ACP6: variants seen among roughly 807,000 people sequenced by gnomAD.
ACP6 encodes the protein lysophosphatidic acid phosphatase type 6.
ACP6 carries 48 observed loss-of-function variants against 48.1 expected under a neutral mutation model. That is an observed-to-expected ratio of 1.00 (90% CI 0.79 to 1.27). The LOEUF is 1.27. ACP6 is among the 50% of genes most tolerant of loss of function. The pLI, the probability that ACP6 is intolerant of heterozygous loss-of-function variation, is 0.00. For missense variants in ACP6, 485 were observed against 529.1 expected (o/e 0.92, Z 0.82); for synonymous variants, 172 against 204.2 (o/e 0.84, Z 1.34).
At chr1:147,655,961 G>A (rs1660237985) in intron 4 of ACP6, among the ~76,000 whole-genome samples, 1 of 152,126 alleles carries the variant, frequency 6.6e-6, no homozygotes, top group Non-Finnish European at 1.5e-5. Context: ...TCTCTGTGTG[G>A]TAGGTTCTTT....
At chr1:147,636,166 A>AG (rs1659294659) in intron 5 of ACP6, among the ~76,000 whole-genome samples, 5 of 152,058 alleles carry the variant, frequency 3.3e-5, no homozygotes, top group African/African-American at 9.7e-5. Context: ...AAGGGTGTAA[A>AG]TGTGAAAGAG....
Position 147,659,412 on chromosome 1 carries a change from T to G in ACP6, c.463A>C (p.Asn155His). 6.2e-7 allele frequency: 1 copy of G among 1,614,150 alleles called. No homozygotes were observed. Among genetic ancestry groups the G allele is most frequent in the South Asian group, 1.1e-5 (1 of 91,076 alleles). The change falls in exon 3 of 10, where the codon AAC becomes CAC. Residue 155 changes from asparagine (N) to histidine (H), a missense_variant. Transcript: ENST00000583509. ...EDIPFLSPTF[N>H]PQEVFIRSTN... ...GTGACTCACAAGACCTCCTGTGGGTTGAAGGTTGGTGAAAGAAAGGGAATG... is the reference window on the plus strand; with the variant it reads ...GTGACTCACAAGACCTCCTGTGGGTGGAAGGTTGGTGAAAGAAAGGGAATG...
intron 1 of ACP6, among the ~76,000 whole-genome samples, chr1:147,660,352 A>C (rs1660485503): frequency 6.6e-6 from 1 of 152,214 alleles, no homozygotes; most frequent in Non-Finnish European, 1.5e-5. Context: ...AATGATTTCA[A>C]AACATCACTA....
At chr1:147,658,878 C>T in intron 4 of ACP6, 82 bp downstream of exon 4, 1 of 1,324,686 alleles carries the variant, frequency 7.5e-7, no homozygotes, top group East Asian at 2.3e-5. Flanking sequence ...AGGGAACAGG[C>T]ACCAAGAAAG....
In ACP6 at chr1:147,665,215, C is replaced by T. The variant is rs183848436; in HGVS notation, c.219+4615G>A. Among the ~76,000 whole-genome samples, 11 of 152,202 alleles carry T rather than the reference C, an allele frequency of 7.2e-5. 1 individual carries two copies. In the South Asian group the frequency reaches 8.3e-4, roughly 11 times the overall value. ...CAGGCTCCACAGAATAAATCTGAAA[C>T]CTGGCAGCATACATCACAATTGGAA... On this transcript the variant is annotated intron_variant, in intron 1 of 9. Transcript: ENST00000583509.
At chr1:147,647,598 C>T (rs781882422) in intron 9 of ACP6, 32 bp from the exon 10 acceptor site, 89 of 1,601,666 alleles carry the variant, frequency 5.6e-5, no homozygotes, top group East Asian at 2.7e-4. Flanking sequence ...GCAGGTCCGC[C>T]GAGGAACCTG....
chr1:147,661,478 G>A (rs1660543382), intron 1 of ACP6, among the ~76,000 whole-genome samples: 2 of 152,180 alleles, frequency 1.3e-5, no homozygotes, highest in African/African-American at 4.8e-5. Flanking sequence ...TGAGTGCTCT[G>A]CTGACTGGTA....
chr1:147,659,578 G>T, intron 2 of ACP6, 52 bp from the exon 3 acceptor site: 1 of 1,613,748 alleles, frequency 6.2e-7, no homozygotes, highest in Non-Finnish European at 8.5e-7. Context: ...ACAGCCTGCT[G>T]AACTCAGCCC....
downstream of ACP6, among the ~76,000 whole-genome samples, chr1:147,638,097 G>T (rs746413761): frequency 1.3e-5 from 2 of 152,196 alleles, no homozygotes; most frequent in Non-Finnish European, 2.9e-5. Flanking sequence ...GCCAGGTTAT[G>T]ATCTACAGAT....
chr1:147,656,104 G>C (rs1420442076), intron 4 of ACP6, among the ~76,000 whole-genome samples: 1 of 152,220 alleles, frequency 6.6e-6, no homozygotes, highest in Non-Finnish European at 1.5e-5. Flanking sequence ...ATTATTGATA[G>C]TCAGAACCAA....
chr1:147,657,426 G>T (rs1445878283), intron 4 of ACP6, among the ~76,000 whole-genome samples: 5 of 151,788 alleles, frequency 3.3e-5, no homozygotes, highest in African/African-American at 4.8e-5. Flanking sequence ...TTCTTTTTTT[G>T]TTTGTTTGTT....
intron 5 of ACP6, among the ~76,000 whole-genome samples, chr1:147,633,512 T>TTA (rs2101638527): frequency 6.6e-6 from 1 of 151,712 alleles, no homozygotes; most frequent in East Asian, 1.9e-4. Flanking sequence ...AGTTTCTTTT[T>TTA]TTTTTTTTAA....
chr1:147,656,198 C>T (rs1345388879), intron 4 of ACP6, among the ~76,000 whole-genome samples: 1 of 152,208 alleles, frequency 6.6e-6, no homozygotes, highest in Non-Finnish European at 1.5e-5. Context: ...AGAAACCACA[C>T]TGAAAGTCAT....
At chr1:147,666,607 G>T (rs1214922216) in intron 1 of ACP6, among the ~76,000 whole-genome samples, 2 of 152,146 alleles carry the variant, frequency 1.3e-5, no homozygotes, top group African/African-American at 4.8e-5. Flanking sequence ...CCCCAAAAAA[G>T]TGGGGCCTCC....
At chr1:147,632,457 C>T (rs1659196364) in intron 5 of ACP6, among the ~76,000 whole-genome samples, 1 of 151,968 alleles carries the variant, frequency 6.6e-6, no homozygotes. Flanking sequence ...GGTTGTGGTA[C>T]ATGAGGTGGA....
chr1:147,657,656 T>C (rs1423163476), intron 4 of ACP6, among the ~76,000 whole-genome samples: 24 of 152,148 alleles, frequency 1.6e-4, no homozygotes, highest in Non-Finnish European at 1.2e-4. Flanking sequence ...CCTGATCTCA[T>C]GATCCACCCG....
chr1:147,655,085 G>A, intron 5 of ACP6, 76 bp downstream of exon 5: 1 of 1,247,544 alleles, frequency 8.0e-7, no homozygotes, highest in Non-Finnish European at 1.1e-6. Flanking sequence ...CAGGCCCTCA[G>A]TATAGACAGA....
At chr1:147,653,632 T>C (rs587727692) in intron 6 of ACP6, among the ~76,000 whole-genome samples, 1 of 152,248 alleles carries the variant, frequency 6.6e-6, no homozygotes, top group East Asian at 1.9e-4. Context: ...ACAGTCATTT[T>C]ATTTTCACAA....
chr1:147,663,735 C>A (rs1570979759), intron 1 of ACP6, among the ~76,000 whole-genome samples: 1 of 152,156 alleles, frequency 6.6e-6, no homozygotes, highest in Non-Finnish European at 1.5e-5. Context: ...AACCTAGAAC[C>A]TGCCCACTGT....
Sources: gnomAD v4.1 joint callset for allele counts (sites outside exome capture counted in the v4.1 genomes callset) on GRCh38, gnomAD v4.1.1 for gene constraint, MANE v1.5 for transcripts, NCBI Gene and HGNC (gene_info 2026-07-23, HGNC 2026-07-21) for gene names.